The following SYT1 variants were observed in gnomAD, a reference collection of about 807,000 sequenced individuals.
SYT1 encodes synaptotagmin 1.
Under a neutral mutation model 44.8 loss-of-function variants are expected in SYT1, and 8 were observed. The observed-to-expected ratio is 0.18, with a 90% confidence interval of 0.10 to 0.32. The LOEUF (loss-of-function observed/expected upper bound fraction) is 0.32. Ranked by LOEUF, SYT1 falls within the 10% of genes least tolerant of loss-of-function variation. SYT1 has a pLI of 1.00. For missense variants in SYT1, 286 were observed against 509.3 expected, an observed-to-expected ratio of 0.56 and a Z score of 4.22; for synonymous variants, 154 against 188.8, an observed-to-expected ratio of 0.82 and a Z score of 1.51.
chr12:79,130,326 A>C (rs1015670479), intron 3 of SYT1, among the ~76,000 whole-genome samples: 1 of 152,194 alleles, frequency 6.6e-6, no homozygotes, highest in Non-Finnish European at 1.5e-5. Flanking sequence ...ACTGGAACAC[A>C]CAGTTAATCG....
intron 3 of SYT1, among the ~76,000 whole-genome samples, chr12:79,089,631 T>A (rs1877634044): frequency 2.6e-5 from 4 of 151,970 alleles, no homozygotes; most frequent in Admixed American, 2.6e-4. Context: ...AGACCCCAGA[T>A]CCAAGGCCCT....
At chr12:79,406,984 A>G (rs1034391279) in intron 9 of SYT1, among the ~76,000 whole-genome samples, 4 of 152,048 alleles carry the variant, frequency 2.6e-5, no homozygotes, top group African/African-American at 9.7e-5. Context: ...TACTATCCCT[A>G]TGGCCCTGGA....
At chr12:79,215,592 G>A (rs1042992612) in intron 3 of SYT1, among the ~76,000 whole-genome samples, 26 of 152,110 alleles carry the variant, frequency 1.7e-4, no homozygotes, top group African/African-American at 6.3e-4. Context: ...TACTTGAGAA[G>A]GCTGAAACCA....
At chr12:79,220,399 C>G (rs766523269) in intron 4 of SYT1, among the ~76,000 whole-genome samples, 2 of 151,796 alleles carry the variant, frequency 1.3e-5, no homozygotes, top group Admixed American at 1.3e-4. Flanking sequence ...TTTCTGTAGT[C>G]TCTATTTCAT....
intron 9 of SYT1, among the ~76,000 whole-genome samples, chr12:79,440,375 G>T (rs1164192486): frequency 6.6e-6 from 1 of 152,134 alleles, no homozygotes; most frequent in African/African-American, 2.4e-5. Context: ...GTTTCCATGA[G>T]TTCTTGTTTT....
At chr12:79,218,579 T>C (rs1329014180) in intron 4 of SYT1, among the ~76,000 whole-genome samples, 2 of 152,226 alleles carry the variant, frequency 1.3e-5, no homozygotes, top group African/African-American at 4.8e-5. Context: ...TCTCTACTTC[T>C]ATGAAATCAA....
At chr12:79,429,150 A>G (rs1869622164) in intron 9 of SYT1, among the ~76,000 whole-genome samples, 1 of 152,178 alleles carries the variant, frequency 6.6e-6, no homozygotes, top group African/African-American at 2.4e-5. Context: ...TTAAATTTCA[A>G]TATGAAATTT....
At chr12:79,063,787 C>T (rs569214542) in intron 3 of SYT1, among the ~76,000 whole-genome samples, 2 of 152,210 alleles carry the variant, frequency 1.3e-5, no homozygotes, top group East Asian at 1.9e-4. Flanking sequence ...GTAACAGGTA[C>T]ACTACCCTCC....
chr12:79,236,342 C>G (rs1192133858), intron 4 of SYT1, among the ~76,000 whole-genome samples: 1 of 152,180 alleles, frequency 6.6e-6, no homozygotes, highest in East Asian at 1.9e-4. Context: ...TTTCCAGCCT[C>G]TCTTTTAAGT....
At position 78,975,438 on chromosome 12, in the gene SYT1, G is replaced by A. The variant is rs554206485; in HGVS notation, c.-216-2361G>A. ...GGCATTTAGAAAATTGTTCCTGAGAGAATTAAAGAATAAATTTCATAAAAA... is the reference window on the plus strand; with the variant it reads ...GGCATTTAGAAAATTGTTCCTGAGAAAATTAAAGAATAAATTTCATAAAAA... On this transcript the variant is annotated intron_variant, in intron 1 of 10. Transcript: ENST00000261205. Among the ~76,000 whole-genome samples the A allele has an allele frequency of 1.8e-3, 278 of 152,186 alleles. 2 individuals are homozygous for A. Among genetic ancestry groups the A allele is most frequent in the Admixed American group, 4.0e-3 (61 of 15,284 alleles).
chr12:78,988,477 A>G (rs2137472605), intron 2 of SYT1, among the ~76,000 whole-genome samples: 1 of 150,780 alleles, frequency 6.6e-6, no homozygotes, highest in African/African-American at 2.4e-5. Context: ...GAAGAAAACA[A>G]GAACTTAACA....
chr12:79,026,679 A>ATATC (rs1292952351), intron 2 of SYT1, among the ~76,000 whole-genome samples: 5 of 135,042 alleles, frequency 3.7e-5, no homozygotes, highest in African/African-American at 1.4e-4. Context: ...ATATATATAT[A>ATATC]TATATATATA....
At chr12:78,997,123 C>T (rs1870432527) in intron 2 of SYT1, among the ~76,000 whole-genome samples, 1 of 152,182 alleles carries the variant, frequency 6.6e-6, no homozygotes, top group Non-Finnish European at 1.5e-5. Context: ...CTCTCAGTTC[C>T]AATTCCAAAC....
intron 9 of SYT1, among the ~76,000 whole-genome samples, chr12:79,382,999 T>C (rs1884288769): frequency 6.6e-6 from 1 of 152,208 alleles, no homozygotes. Flanking sequence ...AGGAAGTTTA[T>C]CCACACCTAA....
intron 1 of SYT1, among the ~76,000 whole-genome samples, chr12:78,910,122 G>A (rs12297761): frequency 0.1 from 15,670 of 151,826 alleles, 1,455 homozygotes; most frequent in African/African-American, 0.24. Context: ...CCTCACCATT[G>A]AGTGGGCCCC....
chr12:79,307,606 C>G lies in SYT1; in HGVS notation c.810+8055C>G, dbSNP rs1486358169. Among the ~76,000 whole-genome samples the G allele has an allele frequency of 3.7e-3, 100 of 27,250 alleles. 1 individual carries two copies. The highest frequency in any genetic ancestry group is 0.013 in the African/African-American group (91 of 7,152). The allele number at this position is 27,250 out of a possible 152,430, so 17.9% of individuals were successfully genotyped here. ...GGCGTTGGGCGAGCCCGGGGATGGT[C>G]GGAAGGGCTGGGGGTGGGGGTGGGG... On this transcript the variant is annotated intron_variant, in intron 8 of 10. Transcript: ENST00000261205.
chr12:79,117,662 C>CTCAT (rs1879351245), intron 3 of SYT1, among the ~76,000 whole-genome samples: 1 of 39,300 alleles, frequency 2.5e-5, no homozygotes, highest in African/African-American at 8.7e-5. Flanking sequence ...TGTATTACAT[C>CTCAT]ATATATATAT....
Position 79,360,083 on chromosome 12 carries a change from C to T in SYT1, c.928+6464C>T, listed in dbSNP as rs367868520. Among the ~76,000 whole-genome samples the T allele has an allele frequency of 4.6e-5, 7 of 152,266 alleles. 1 individual carries two copies. The highest frequency in any genetic ancestry group is 3.3e-4 in the Admixed American group (5 of 15,294). ...AACAGGTCCTCCCCGTCCATACACA[C>T]ATACCCATGTTATTTTTATGCATCT... On this transcript the variant is annotated intron_variant, in intron 9 of 10. Transcript: ENST00000261205.
At chr12:79,273,567 C>T (rs1264084780) in intron 4 of SYT1, among the ~76,000 whole-genome samples, 1 of 152,174 alleles carries the variant, frequency 6.6e-6, no homozygotes, top group African/African-American at 2.4e-5. Flanking sequence ...CTCATTTCCA[C>T]TGCAGAGCCT....
Sources: allele counts gnomAD v4.1 joint callset (sites outside exome capture counted in the v4.1 genomes callset), GRCh38; gene constraint gnomAD v4.1.1; transcripts MANE v1.5; gene names NCBI Gene and HGNC (gene_info 2026-07-23, HGNC 2026-07-21).